ARHGEF16: variants seen among roughly 807,000 people sequenced by gnomAD.
ARHGEF16 encodes the protein Rho guanine exchange factor (GEF) 16.
In ARHGEF16, 59 loss-of-function variants were observed where a neutral mutation model predicts 74.1. The observed-to-expected ratio is 0.80, with a 90% CI of 0.65 to 0.99. ARHGEF16 has a LOEUF of 0.99. Ranked by LOEUF, ARHGEF16 falls within the 50% of genes least tolerant of loss-of-function variation. The pLI is 0.00. For missense variants in ARHGEF16, 948 were observed against 986.6 expected (o/e 0.96, Z 0.52); for synonymous variants, 415 against 412.6 (o/e 1.01, Z -0.07).
At chr1:3,465,662 G>A (rs965828059) in intron 2 of ARHGEF16, among the ~76,000 whole-genome samples, 2 of 152,172 alleles carry the variant, frequency 1.3e-5, no homozygotes, top group Non-Finnish European at 2.9e-5. Flanking sequence ...GCTCCGAGTC[G>A]GGCACCTGAG....
intron 9 of ARHGEF16, 89 bp from the exon 10 acceptor site, chr1:3,475,881 G>A (rs780096383): frequency 8.3e-6 from 11 of 1,323,692 alleles, no homozygotes; most frequent in Middle Eastern, 2.5e-4. Flanking sequence ...GAGGCTGGCT[G>A]GGCAGGTGTC....
At position 3,479,468 on chromosome 1, in the gene ARHGEF16, C is replaced by T. The variant is rs199732465; in HGVS notation, c.1815-49C>T. ...CTGTCAGAAGTCAAGGAACATCAGA[C>T]GGGCAGGATCGGTCTCCAGGCCTGG... On this transcript the variant is annotated intron_variant, in intron 12 of 14. Coordinates refer to ENST00000378378, the MANE Select transcript of ARHGEF16 (RefSeq NM_014448.4). 1.4e-4 allele frequency: 220 copies of T among 1,597,840 alleles called. No homozygotes were observed. In the African/African-American group the frequency reaches 1.5e-3, roughly 11 times the overall value.
At chr1:3,455,706 A>G (rs1490599466) in intron 1 of ARHGEF16, among the ~76,000 whole-genome samples, 2 of 152,102 alleles carry the variant, frequency 1.3e-5, no homozygotes, top group African/African-American at 4.8e-5. Context: ...GGGTCCAGCA[A>G]GAGGGTCCAG....
At chr1:3,461,427 CTG>C (rs1399252265) in intron 1 of ARHGEF16, among the ~76,000 whole-genome samples, 1 of 152,244 alleles carries the variant, frequency 6.6e-6, no homozygotes, top group African/African-American at 2.4e-5. Context: ...GATTTTGAAA[CTG>C]AGGCACGGAG....
At chr1:3,471,876 G>A in intron 6 of ARHGEF16, 1 of 1,016,000 alleles carries the variant, frequency 9.8e-7, no homozygotes, top group South Asian at 3.2e-5. Flanking sequence ...TGGCCGGCCT[G>A]GGCACGTACG....
chr1:3,476,141 C>G (rs1639867540), intron 10 of ARHGEF16, 79 bp downstream of exon 10: 11 of 1,431,518 alleles, frequency 7.7e-6, no homozygotes, highest in Admixed American at 2.1e-5. Context: ...TGAGGTCACA[C>G]CCCTGAGCCT....
chr1:3,475,715 G>A (rs1382047179), intron 9 of ARHGEF16, among the ~76,000 whole-genome samples: 4 of 138,548 alleles, frequency 2.9e-5, no homozygotes, highest in Admixed American at 7.4e-5. Flanking sequence ...CTTTCACAGC[G>A]CTGACAGGGA....
chr1:3,475,848 A>T, intron 9 of ARHGEF16, 122 bp from the exon 10 acceptor site: 1 of 906,976 alleles, frequency 1.1e-6, no homozygotes, highest in Non-Finnish European at 1.7e-6. Flanking sequence ...CGGCTGGTCC[A>T]GGGCAGGCAC....
chr1:3,467,569 G>C (rs146332272), intron 4 of ARHGEF16, among the ~76,000 whole-genome samples: 2 of 152,184 alleles, frequency 1.3e-5, no homozygotes, highest in African/African-American at 4.8e-5. Context: ...TCGTGCGTGC[G>C]AGGGCCAGCC....
intron 4 of ARHGEF16, among the ~76,000 whole-genome samples, chr1:3,468,292 A>G (rs1639604466): frequency 6.6e-6 from 1 of 152,202 alleles, no homozygotes; most frequent in Non-Finnish European, 1.5e-5. Flanking sequence ...AGTGAGGAGC[A>G]GAGCACGAAT....
intron 4 of ARHGEF16, among the ~76,000 whole-genome samples, chr1:3,468,125 T>TG (rs936496527): frequency 2.0e-5 from 3 of 152,308 alleles, no homozygotes; most frequent in African/African-American, 7.2e-5. Flanking sequence ...TGCTGGGAGC[T>TG]GGGGGCGTGT....
rs1048897523 is a variant in ARHGEF16 at position 3,469,521 on chromosome 1, G to T, written c.950G>T (p.Arg317Leu). The T allele has an allele frequency of 1.9e-6, 3 of 1,613,138 alleles. No homozygotes were observed. Among genetic ancestry groups the T allele is most frequent in the Non-Finnish European group, 2.5e-6 (3 of 1,179,972 alleles). Residue 317 changes from arginine (R) to leucine (L), a missense_variant, in exon 6 of 15, where the codon CGG becomes CTG. Physicochemically the swap from Arg to Leu is moderately radical, Grantham distance 102 (BLOSUM62 -2). Coordinates refer to ENST00000378378, the MANE Select transcript of ARHGEF16 (RefSeq NM_014448.4). ...GAGTTCCTGCAGTCCAAGGAGCTGC[G>T]GGCGACCGTGACCCAGATGGAGCAC... ...VEEFLQSKEL[R>L]ATVTQMEHHH...
In ARHGEF16 at chr1:3,477,920, G is replaced by A. The variant is rs756082900; in HGVS notation, c.1519G>A (p.Glu507Lys). The A allele has an allele frequency of 6.2e-7, 1 of 1,612,692 alleles. No homozygotes were observed. The highest frequency in any genetic ancestry group is 8.5e-7 in the Non-Finnish European group (1 of 1,179,914). Residue 507 changes from glutamate (E) to lysine (K), a missense_variant, in exon 11 of 15, where the codon GAG becomes AAG. By Grantham distance (56) the Glu-to-Lys change is moderately conservative. Coordinates refer to ENST00000378378, the MANE Select transcript of ARHGEF16 (RefSeq NM_014448.4). Reference sequence around the variant, plus strand: ...CTCCCGGTGGCTGCTGAAGCGCGGAGAGCTGTTCTTAGTGGAAGAAACCGG... The same window carrying A: ...CTCCCGGTGGCTGCTGAAGCGCGGAAAGCTGTTCTTAGTGGAAGAAACCGG... Reference protein sequence around the residue: ...SASRWLLKRGELFLVEETGLF... With the variant: ...SASRWLLKRGKLFLVEETGLF...
At chr1:3,464,010 A>G (rs1419780850) in intron 2 of ARHGEF16, among the ~76,000 whole-genome samples, 1 of 152,312 alleles carries the variant, frequency 6.6e-6, no homozygotes, top group South Asian at 2.1e-4. Flanking sequence ...CCTGGATGAT[A>G]GGGTTCAGGG....
At chr1:3,460,004 CTT>C (rs1477167297) in intron 1 of ARHGEF16, among the ~76,000 whole-genome samples, 2 of 152,212 alleles carry the variant, frequency 1.3e-5, no homozygotes, top group African/African-American at 2.4e-5. Context: ...CATGCTAAGT[CTT>C]TGGTGCTCGT....
At chr1:3,478,372 A>G in intron 11 of ARHGEF16, 52 bp from the exon 12 acceptor site, 4 of 1,523,098 alleles carry the variant, frequency 2.6e-6, no homozygotes, top group Non-Finnish European at 3.6e-6. Context: ...GCCCAGCAGC[A>G]CTGGGTAGGA....
intron 4 of ARHGEF16, 36 bp downstream of exon 4, chr1:3,467,373 G>C: frequency 6.5e-7 from 1 of 1,529,486 alleles, no homozygotes; most frequent in African/African-American, 1.4e-5. Context: ...GCCCCACAGA[G>C]GCAGGGAGAA....
intron 1 of ARHGEF16, among the ~76,000 whole-genome samples, chr1:3,462,161 C>T (rs59301268): frequency 3.4e-4 from 51 of 152,224 alleles, no homozygotes; most frequent in South Asian, 1.4e-3. Flanking sequence ...GGGCAGCTCC[C>T]GCTCTCTGCT....
intron 10 of ARHGEF16, among the ~76,000 whole-genome samples, chr1:3,476,616 C>T (rs1639883656): frequency 6.6e-6 from 1 of 152,108 alleles, no homozygotes; most frequent in African/African-American, 2.4e-5. Context: ...CAGAGCCCCC[C>T]ACCCACGATC....
Sources: gnomAD v4.1 joint callset for allele counts (sites outside exome capture counted in the v4.1 genomes callset) on GRCh38, gnomAD v4.1.1 for gene constraint, MANE v1.5 for transcripts, NCBI Gene and HGNC (gene_info 2026-07-23, HGNC 2026-07-21) for gene names.